Variants in STK33 observed in about 807,000 individuals in gnomAD.
STK33 encodes the protein serine/threonine kinase 33, also known as serine/threonine-protein kinase 33.
A neutral mutation model predicts 58.0 loss-of-function variants in STK33; 52 were observed. The observed-to-expected ratio is 0.90, with a 90% CI of 0.72 to 1.13. The LOEUF is 1.13. Among genes scored for constraint, STK33 ranks in the 50% most tolerant of loss-of-function variants. STK33 has a pLI of 0.00. For missense variants in STK33, 630 were observed against 604.2 expected (o/e 1.04, Z -0.45); for synonymous variants, 215 against 200.1 (o/e 1.07, Z -0.63).
chr11:8,442,134 G>A (rs1181669759), intron 11 of STK33, among the ~76,000 whole-genome samples: 1 of 151,856 alleles, frequency 6.6e-6, no homozygotes, highest in Non-Finnish European at 1.5e-5. Context: ...GTGTTAAAGA[G>A]ATGAAAGGCA....
At chr11:8,446,603 C>T (rs2136654544) in intron 11 of STK33, among the ~76,000 whole-genome samples, 1 of 152,280 alleles carries the variant, frequency 6.6e-6, no homozygotes, top group South Asian at 2.1e-4. Flanking sequence ...CAGCCTGGTA[C>T]TGGTACCAAA....
intron 1 of STK33, among the ~76,000 whole-genome samples, chr11:8,492,991 A>G (rs1202629388): frequency 1.3e-5 from 2 of 152,350 alleles, no homozygotes; most frequent in South Asian, 2.1e-4. Flanking sequence ...CACAAGAGAA[A>G]GCAGGAAAGA....
chr11:8,509,305 T>C (rs1366430284), intron 1 of STK33, among the ~76,000 whole-genome samples: 1 of 152,178 alleles, frequency 6.6e-6, no homozygotes, highest in Non-Finnish European at 1.5e-5. Flanking sequence ...TATAGTCGAC[T>C]CCCATTCTAT....
Position 8,436,143 on chromosome 11 carries a change from C to T in STK33, c.948-4G>A, listed in dbSNP as rs1944036993. ...AAAGGGTGGTTCTCCACGTAATCTG[C>T]AACAAAGGCAATCACTTTGTTTAAA... is the stretch of plus-strand genomic sequence containing the variant. On this transcript the variant is annotated splice_polypyrimidine_tract_variant and splice_region_variant and intron_variant, in intron 12 of 15. Coordinates refer to ENST00000687296, the MANE Select transcript of STK33 (RefSeq NM_001352389.2). The T allele has an allele frequency of 6.6e-7, 1 of 1,512,800 alleles. No homozygotes were observed. Among genetic ancestry groups the T allele is most frequent in the Non-Finnish European group, 8.9e-7 (1 of 1,120,648 alleles). The allele number at this position is 1,512,800 out of a possible 1,614,324, so 93.7% of individuals were successfully genotyped here.
At chr11:8,481,563 A>C (rs964883829) in intron 1 of STK33, among the ~76,000 whole-genome samples, 9 of 152,190 alleles carry the variant, frequency 5.9e-5, no homozygotes, top group African/African-American at 1.9e-4. Flanking sequence ...AGAAGTCTGA[A>C]TGTATCTGTG....
At chr11:8,462,392 TATATATATAC>T (rs1369277416) in intron 7 of STK33, among the ~76,000 whole-genome samples, 2 of 128,696 alleles carry the variant, frequency 1.6e-5, no homozygotes, top group Admixed American at 8.3e-5. Context: ...TTTGATTATA[TATATATATAC>T]ATATATATAC....
At chr11:8,553,210 T>TAC (rs1956473379) in intron 1 of STK33, among the ~76,000 whole-genome samples, 1 of 105,932 alleles carries the variant, frequency 9.4e-6, no homozygotes, top group Non-Finnish European at 1.8e-5. Context: ...TGTATATATA[T>TAC]ATATATATAT....
At chr11:8,438,916 T>C (rs989624855) in intron 12 of STK33, among the ~76,000 whole-genome samples, 2 of 152,222 alleles carry the variant, frequency 1.3e-5, no homozygotes, top group Non-Finnish European at 2.9e-5. Context: ...TTATGTAATC[T>C]AAGCAACGAT....
intron 1 of STK33, among the ~76,000 whole-genome samples, chr11:8,494,189 T>C (rs1249220323): frequency 6.6e-6 from 1 of 152,116 alleles, no homozygotes; most frequent in Non-Finnish European, 1.5e-5. Flanking sequence ...GATTGTATAT[T>C]TAGAAAACCC....
intron 15 of STK33, among the ~76,000 whole-genome samples, chr11:8,407,296 C>CG (rs1939405026): frequency 2.0e-5 from 3 of 151,884 alleles, no homozygotes; most frequent in African/African-American, 7.3e-5. Flanking sequence ...GAGATATTGG[C>CG]TAATAATTTT....
the STK33 span, among the ~76,000 whole-genome samples, chr11:8,382,688 C>A: frequency 1.3e-5 from 2 of 152,186 alleles, no homozygotes; most frequent in African/African-American, 2.4e-5. Context: ...CCAAACCTCT[C>A]CTGTTTCCCA....
chr11:8,430,205 A>G (rs908653402), intron 14 of STK33, among the ~76,000 whole-genome samples: 2 of 152,214 alleles, frequency 1.3e-5, no homozygotes, highest in African/African-American at 4.8e-5. Context: ...ATAGAAAAAA[A>G]GGAACTACAA....
At chr11:8,401,389 A>G (rs1471786144) in intron 15 of STK33, among the ~76,000 whole-genome samples, 1 of 152,228 alleles carries the variant, frequency 6.6e-6, no homozygotes, top group Non-Finnish European at 1.5e-5. Flanking sequence ...TATTTAATAA[A>G]TGGTGCTGGG....
the STK33 span, among the ~76,000 whole-genome samples, chr11:8,377,934 C>A: frequency 6.6e-6 from 1 of 152,156 alleles, no homozygotes; most frequent in South Asian, 2.1e-4. Context: ...ACTACAAAAA[C>A]TGCTGAAAGA....
chr11:8,522,119 T>C (rs1210681245), intron 1 of STK33, among the ~76,000 whole-genome samples: 2 of 152,346 alleles, frequency 1.3e-5, no homozygotes, highest in East Asian at 3.9e-4. Context: ...AGCCATCTCA[T>C]TACTGGGCAT....
chr11:8,500,111 T>C (rs919796614), intron 1 of STK33, among the ~76,000 whole-genome samples: 3 of 152,080 alleles, frequency 2.0e-5, no homozygotes, highest in Admixed American at 6.6e-5. Flanking sequence ...CGGTGAAAGA[T>C]TGAAAGCTTT....
intron 1 of STK33, among the ~76,000 whole-genome samples, chr11:8,566,431 A>C (rs1246440942): frequency 6.6e-6 from 1 of 152,258 alleles, no homozygotes; most frequent in Non-Finnish European, 1.5e-5. Flanking sequence ...GTCCTTGACT[A>C]AATTAAATGA....
intron 1 of STK33, among the ~76,000 whole-genome samples, chr11:8,570,730 T>C (rs544278589): frequency 6.6e-5 from 10 of 152,286 alleles, no homozygotes; most frequent in Non-Finnish European, 1.0e-4. Flanking sequence ...GATGGAGACA[T>C]TAAAACGGAC....
At chr11:8,362,493 T>C in the STK33 span, among the ~76,000 whole-genome samples, 1 of 152,312 alleles carries the variant, frequency 6.6e-6, no homozygotes, top group African/African-American at 2.4e-5. Context: ...AATTATACAC[T>C]GATGACAAAT....
Sources: allele counts gnomAD v4.1 joint callset (sites outside exome capture counted in the v4.1 genomes callset), GRCh38; gene constraint gnomAD v4.1.1; transcripts MANE v1.5; gene names NCBI Gene and HGNC (gene_info 2026-07-23, HGNC 2026-07-21).